The following ATP9B variants were observed in gnomAD, a reference collection of about 807,000 sequenced individuals.
ATP9B encodes probable phospholipid-transporting ATPase IIB.
ATP9B carries 110 observed loss-of-function variants against 146.1 expected under a neutral mutation model. The observed-to-expected ratio is 0.75, with a 90% confidence interval of 0.65 to 0.88. ATP9B has a LOEUF of 0.88. Ranked by LOEUF, ATP9B falls within the 40% of genes least tolerant of loss-of-function variation. The pLI is 0.00. For missense variants in ATP9B, 1,499 were observed against 1,496.4 expected (o/e 1.00, Z -0.03); for synonymous variants, 604 against 569.7 (o/e 1.06, Z -0.86).
chr18:79,090,261 T>C (rs1024182271), intron 1 of ATP9B, among the ~76,000 whole-genome samples: 23 of 152,198 alleles, frequency 1.5e-4, no homozygotes, highest in African/African-American at 4.3e-4. Flanking sequence ...TTTGATAACA[T>C]CGATTTCCTT....
At chr18:79,232,568 G>C (rs144840082) in intron 11 of ATP9B, among the ~76,000 whole-genome samples, 20 of 152,280 alleles carry the variant, frequency 1.3e-4, no homozygotes, top group African/African-American at 4.6e-4. Context: ...ATCATATCCA[G>C]CTTTCAACAG....
intron 9 of ATP9B, among the ~76,000 whole-genome samples, chr18:79,199,927 C>T (rs528711420): frequency 6.6e-6 from 1 of 152,174 alleles, no homozygotes; most frequent in Non-Finnish European, 1.5e-5. Context: ...ATGTGTTTTT[C>T]TGGCAGAACC....
At chr18:79,377,131 A>G in intron 29 of ATP9B, 116 bp from the exon 30 acceptor site, 1 of 1,236,988 alleles carries the variant, frequency 8.1e-7, no homozygotes, top group South Asian at 1.3e-5. Flanking sequence ...ATGCACAGTG[A>G]TGTTTCCGTG....
intron 11 of ATP9B, among the ~76,000 whole-genome samples, chr18:79,228,521 G>A (rs2095757680): frequency 6.6e-6 from 1 of 152,102 alleles, no homozygotes; most frequent in African/African-American, 2.4e-5. Context: ...GTCATTGGTT[G>A]GGGATTAGAA....
chr18:79,085,783 A>T (rs576447669), intron 1 of ATP9B: 1 of 152,314 alleles, frequency 6.6e-6, no homozygotes, highest in East Asian at 1.9e-4. Flanking sequence ...GCAATCTTAC[A>T]ATAGTTAAGT....
chr18:79,337,517 A>G, intron 19 of ATP9B, 68 bp downstream of exon 19: 4 of 1,551,630 alleles, frequency 2.6e-6, no homozygotes, highest in Non-Finnish European at 3.5e-6. Context: ...TTCCTTGGGC[A>G]TGGTGATTTG....
In ATP9B at chr18:79,096,470, A is replaced by G; in HGVS notation, c.120-6A>G. ...TATCTCAGCACTCCATTTTTACCCTAACTAGGTACCAGCTGGAGGATGAGT... is the reference window on the plus strand; with the variant it reads ...TATCTCAGCACTCCATTTTTACCCTGACTAGGTACCAGCTGGAGGATGAGT... On this transcript the variant is annotated splice_region_variant and splice_polypyrimidine_tract_variant and intron_variant, in intron 1 of 29. Coordinates refer to ENST00000426216, the MANE Select transcript of ATP9B (RefSeq NM_198531.5). The G allele has an allele frequency of 6.2e-7, 1 of 1,609,196 alleles. No individual in the cohort carries two copies. Among genetic ancestry groups the G allele is most frequent in the Non-Finnish European group, 8.5e-7 (1 of 1,179,386 alleles).
chr18:79,279,236 G>T (rs959659536), intron 13 of ATP9B, among the ~76,000 whole-genome samples: 2 of 152,146 alleles, frequency 1.3e-5, no homozygotes, highest in Non-Finnish European at 2.9e-5. Flanking sequence ...CTTTCCCAAC[G>T]TGGAGAGGCT....
chr18:79,356,088 A>G (rs569330605), intron 25 of ATP9B, among the ~76,000 whole-genome samples: 1 of 152,368 alleles, frequency 6.6e-6, no homozygotes, highest in East Asian at 1.9e-4. Flanking sequence ...CAGAAGGCGC[A>G]GAGACGGCCA....
chr18:79,279,540 G>C (rs1370926917), intron 13 of ATP9B, among the ~76,000 whole-genome samples: 1 of 152,092 alleles, frequency 6.6e-6, no homozygotes, highest in Non-Finnish European at 1.5e-5. Flanking sequence ...AATTTTAAGA[G>C]AATTTATTCA....
chr18:79,250,422 A>T (rs1272542787), intron 11 of ATP9B, among the ~76,000 whole-genome samples: 5 of 152,190 alleles, frequency 3.3e-5, no homozygotes, highest in African/African-American at 1.2e-4. Flanking sequence ...CATTGATAGC[A>T]TCTTTAGGTT....
intron 28 of ATP9B, among the ~76,000 whole-genome samples, chr18:79,374,668 G>T (rs1463548074): frequency 6.6e-6 from 1 of 152,270 alleles, no homozygotes; most frequent in Non-Finnish European, 1.5e-5. Flanking sequence ...CTCAGTGCCT[G>T]AGTGTCCATG....
chr18:79,209,574 C>A, intron 10 of ATP9B: 2 of 826,148 alleles, frequency 2.4e-6, no homozygotes, highest in Non-Finnish European at 1.5e-6. Context: ...GGCAAGTGGG[C>A]CCGACTAGTT....
At chr18:79,130,986 C>A (rs2094368793) in intron 5 of ATP9B, among the ~76,000 whole-genome samples, 1 of 152,030 alleles carries the variant, frequency 6.6e-6, no homozygotes, top group African/African-American at 2.4e-5. Flanking sequence ...TGTGGTGAAA[C>A]CCTGTCTCTA....
chr18:79,130,479 A>G (rs1451125518), intron 5 of ATP9B, among the ~76,000 whole-genome samples: 1 of 151,644 alleles, frequency 6.6e-6, no homozygotes. Flanking sequence ...AAGCGTACCA[A>G]ATACACATGA....
chr18:79,236,035 T>G (rs1412888383), intron 11 of ATP9B, among the ~76,000 whole-genome samples: 1 of 152,146 alleles, frequency 6.6e-6, no homozygotes, highest in Non-Finnish European at 1.5e-5. Flanking sequence ...CTGGGTCGTA[T>G]AGCGTGTCTG....
intron 17 of ATP9B, among the ~76,000 whole-genome samples, chr18:79,330,772 A>G (rs2096786129): frequency 6.6e-6 from 1 of 152,224 alleles, no homozygotes; most frequent in South Asian, 2.1e-4. Flanking sequence ...GTGCGTGTCA[A>G]TCTATACAAG....
intron 8 of ATP9B, among the ~76,000 whole-genome samples, chr18:79,183,792 T>TAA (rs56149975): frequency 3.5e-4 from 51 of 144,008 alleles, no homozygotes; most frequent in Middle Eastern, 3.7e-3. Flanking sequence ...AGTTTAAAGT[T>TAA]AAAAAAAAAA....
chr18:79,371,703 G>A (rs1470939690), intron 26 of ATP9B, among the ~76,000 whole-genome samples: 1 of 152,224 alleles, frequency 6.6e-6, no homozygotes, highest in Non-Finnish European at 1.5e-5. Context: ...GTTCAGACAG[G>A]CCCTGAGCAC....
Sources: gnomAD v4.1 joint callset for allele counts (sites outside exome capture counted in the v4.1 genomes callset) on GRCh38, gnomAD v4.1.1 for gene constraint, MANE v1.5 for transcripts, NCBI Gene and HGNC (gene_info 2026-07-23, HGNC 2026-07-21) for gene names.